HAAO: variants seen among roughly 807,000 people sequenced by gnomAD.
The protein encoded by HAAO is 3-hydroxyanthranilate oxygenase.
In HAAO, 49 loss-of-function variants were observed where a neutral mutation model predicts 46.2. That is an observed-to-expected ratio of 1.06 (90% CI 0.84 to 1.34). The LOEUF is 1.34. HAAO is among the 40% of genes most tolerant of loss of function. HAAO has a pLI of 0.00. For missense variants in HAAO, 408 were observed against 364.5 expected, an observed-to-expected ratio of 1.12 and a Z score of -0.97; for synonymous variants, 157 against 145.2, an observed-to-expected ratio of 1.08 and a Z score of -0.58.
At chr2:42,768,059 G>C in intron 7 of HAAO, 131 bp from the exon 8 acceptor site, 5 of 739,720 alleles carry the variant, frequency 6.8e-6, no homozygotes, top group Non-Finnish European at 1.1e-5. Context: ...ATCACCATGT[G>C]CTGAGCAGAG....
intron 5 of HAAO, 39 bp from the exon 6 acceptor site, chr2:42,770,225 C>T (rs1270834784): frequency 6.4e-7 from 1 of 1,566,974 alleles, no homozygotes; most frequent in Non-Finnish European, 8.7e-7. Context: ...GTGGCGAGCA[C>T]TCCCATCGGA....
At chr2:42,779,765 T>G (rs1357348796) in intron 4 of HAAO, among the ~76,000 whole-genome samples, 1 of 152,248 alleles carries the variant, frequency 6.6e-6, no homozygotes, top group Non-Finnish European at 1.5e-5. Context: ...TTTAAACCTT[T>G]GATATTTGAC....
rs1672200672 is a variant in HAAO at position 42,783,884 on chromosome 2, A to T, written c.160-17T>A. The stretch of plus-strand genomic sequence containing the variant: ...GTAAAATACCTGTGGGACAGGAGAG[A>T]GGCTTGGACCCTCCGCACTTTCTCT... On this transcript the variant is annotated splice_polypyrimidine_tract_variant and intron_variant, in intron 2 of 9. Transcript: ENST00000294973. The T allele has an allele frequency of 6.2e-7, 1 of 1,601,388 alleles. No individual in the cohort carries two copies. The highest frequency in any genetic ancestry group is 1.3e-5 in the African/African-American group (1 of 74,620).
chr2:42,781,605 G>T (rs1672004313), intron 4 of HAAO, among the ~76,000 whole-genome samples: 1 of 152,230 alleles, frequency 6.6e-6, no homozygotes, highest in Non-Finnish European at 1.5e-5. Context: ...AGGTGTGGTG[G>T]CTCATGCCTG....
chr2:42,786,991 C>T (rs1013907239), intron 2 of HAAO, among the ~76,000 whole-genome samples: 8 of 152,236 alleles, frequency 5.3e-5, no homozygotes, highest in African/African-American at 9.6e-5. Context: ...GAGAGGAGGC[C>T]GACCCTCAGC....
At chr2:42,775,228 C>T (rs563833274) in intron 4 of HAAO, among the ~76,000 whole-genome samples, 1 of 116,478 alleles carries the variant, frequency 8.6e-6, no homozygotes, top group African/African-American at 3.5e-5. Context: ...GCCTGGGTGA[C>T]AGAGTAAGAC....
chr2:42,776,231 C>CTTTT lies in HAAO; in HGVS notation c.351-5653_351-5650dup, dbSNP rs57398023. Among the ~76,000 whole-genome samples the CTTTT allele has an allele frequency of 5.2e-3, 371 of 71,202 alleles. 7 individuals are homozygous for CTTTT. Among genetic ancestry groups the CTTTT allele is most frequent in the African/African-American group, 0.015 (249 of 16,322 alleles). The allele number at this position is 71,202 out of a possible 152,430, so 46.7% of individuals were successfully genotyped here. A position where few individuals can be genotyped will look rare whatever the true frequency, so the allele number is the denominator to read the frequency against. ...ATTTTATGTTTGACTTGGCATCCAT[C>CTTTT]TTTTTTTTTTTTTTTTTTTTTTTTT... On this transcript the variant is annotated intron_variant, in intron 4 of 9. Coordinates refer to ENST00000294973, the MANE Select transcript of HAAO (RefSeq NM_012205.3).
At position 42,783,358 on chromosome 2, in the gene HAAO, C is replaced by A. The variant is rs1672152050; in HGVS notation, c.306G>T (p.Leu102=). 3.7e-6 allele frequency: 6 copies of A among 1,613,498 alleles called. No homozygotes were observed. The highest frequency in any genetic ancestry group is 4.2e-6 in the Non-Finnish European group (5 of 1,179,716). Residue 102 remains leucine, a synonymous_variant, in exon 4 of 10, where the codon CTG becomes CTT. Coordinates refer to ENST00000294973, the MANE Select transcript of HAAO (RefSeq NM_012205.3). ...TCTCCAGCCGCCTTCGCTCAACCAC[C>A]AGCCCCACGGTGTTGGCAAACCTCT... ...SPQRFANTVG[L]VVERRRLETE... is the part of the protein sequence containing the mutation.
At position 42,767,507 on chromosome 2, in the gene HAAO, C is replaced by T. The variant is rs146242229; in HGVS notation, c.791G>A (p.Trp264Ter). Residue 264 changes from tryptophan (W) to a stop codon, truncating the protein, a stop_gained, in exon 10 of 10, where the codon TGG becomes TAG. Coordinates refer to ENST00000294973, the MANE Select transcript of HAAO (RefSeq NM_012205.3). LOFTEE classifies it high-confidence loss of function. The stretch of plus-strand genomic sequence containing the variant: ...GGCCACAGAGCCTTGTGTTCGCTCC[C>T]AGGCATACCTGTGGACACACAGATG... ...LLVLAGTSYA[W>*]ERTQGSVALS... The T allele has an allele frequency of 1.9e-6, 3 of 1,611,884 alleles. No individual in the cohort carries two copies. Among genetic ancestry groups the T allele is most frequent in the Non-Finnish European group, 2.5e-6 (3 of 1,178,946 alleles).
intron 7 of HAAO, among the ~76,000 whole-genome samples, chr2:42,768,380 G>A (rs900869173): frequency 3.9e-5 from 6 of 152,204 alleles, no homozygotes; most frequent in African/African-American, 1.4e-4. Flanking sequence ...CTACTGTGCA[G>A]GGCCGTGCTG....
Position 42,767,578 on chromosome 2 carries a change from C to T in HAAO, c.782+17G>A, listed in dbSNP as rs991086905. 2 of 1,581,362 alleles carry T rather than the reference C, an allele frequency of 1.3e-6. No individual in the cohort carries two copies. Among genetic ancestry groups the T allele is most frequent in the East Asian group, 2.3e-5 (1 of 43,460 alleles). ...GGACCCTGAGGATCCCAGGGAAAGC[C>T]CTCCCTGCGTACTCACGAGGTCCCA... On this transcript the variant is annotated intron_variant, in intron 9 of 9. Transcript: ENST00000294973.
In HAAO at chr2:42,767,588, T is replaced by G; in HGVS notation, c.782+7A>C. On this transcript the variant is annotated splice_region_variant and intron_variant, in intron 9 of 9. Transcript: ENST00000294973. Reference sequence around the variant, plus strand: ...GATCCCAGGGAAAGCCCTCCCTGCGTACTCACGAGGTCCCAGCTAGCACCA... The same window carrying G: ...GATCCCAGGGAAAGCCCTCCCTGCGGACTCACGAGGTCCCAGCTAGCACCA... 1 of 1,578,442 alleles carries G rather than the reference T, an allele frequency of 6.3e-7. No homozygotes were observed.
At chr2:42,785,884 A>G (rs144516345) in intron 2 of HAAO, among the ~76,000 whole-genome samples, 323 of 152,178 alleles carry the variant, frequency 2.1e-3, no homozygotes, top group African/African-American at 7.4e-3. Flanking sequence ...AACAAACACA[A>G]ACATGAACAA....
At chr2:42,767,771 G>C (rs1234977784) in intron 8 of HAAO, 89 bp downstream of exon 8, 7 of 1,538,160 alleles carry the variant, frequency 4.6e-6, no homozygotes, top group Non-Finnish European at 5.4e-6. Flanking sequence ...GGCCCCAAGA[G>C]TGGGCCCCGT....
intron 5 of HAAO, 59 bp from the exon 6 acceptor site, chr2:42,770,245 G>T: frequency 2.1e-6 from 3 of 1,406,758 alleles, no homozygotes; most frequent in South Asian, 1.2e-5. Flanking sequence ...AGTGGCCAGC[G>T]ACACACACAT....
At chr2:42,788,652 G>A (rs1672566666) in intron 1 of HAAO, 45 bp from the exon 2 acceptor site, 2 of 1,188,568 alleles carry the variant, frequency 1.7e-6, no homozygotes, top group Non-Finnish European at 2.5e-6. Flanking sequence ...CATCTCCTAG[G>A]AGTGAAGAGA....
intron 3 of HAAO, 116 bp from the exon 4 acceptor site, chr2:42,783,536 G>A: frequency 1.4e-6 from 1 of 714,014 alleles, no homozygotes; most frequent in Non-Finnish European, 2.4e-6. Context: ...GGTACTGCTT[G>A]TCTACCCTGG....
At position 42,770,592 on chromosome 2, in the gene HAAO, C is replaced by T. The variant is rs1671039146; in HGVS notation, c.351-10G>A. The T allele has an allele frequency of 1.3e-6, 2 of 1,541,040 alleles. No homozygotes were observed. The highest frequency in any genetic ancestry group is 1.4e-5 in the African/African-American group (1 of 72,988). Reference sequence around the variant, plus strand: ...GTCGCCCACATAGTACCTGCCAGAGCAGAGGACAGGCAACCCTGCTGTCCC... The same window carrying T: ...GTCGCCCACATAGTACCTGCCAGAGTAGAGGACAGGCAACCCTGCTGTCCC... On this transcript the variant is annotated splice_polypyrimidine_tract_variant and intron_variant, in intron 4 of 9. Transcript: ENST00000294973.
Position 42,769,570 on chromosome 2 carries a change from TGTG to T in HAAO, c.630+140_630+142del, listed in dbSNP as rs1489187563. ...ATGCTCATGTCTACAACCTCTGAAATGTGTGTGTGTGTGTGTGTGTGTGTGTGT... is the reference window on the plus strand; with the variant it reads ...ATGCTCATGTCTACAACCTCTGAAATTGTGTGTGTGTGTGTGTGTGTGTGT... On this transcript the variant is annotated intron_variant, in intron 7 of 9. Coordinates refer to ENST00000294973, the MANE Select transcript of HAAO (RefSeq NM_012205.3). 14 of 15,454 alleles carry T rather than the reference TGTG, an allele frequency of 9.1e-4. No individual in the cohort carries two copies. The East Asian group carries it at 0.02, about 22-fold the overall frequency. The allele number at this position is 15,454 out of a possible 1,614,324, so 1.0% of individuals were successfully genotyped here.
Sources: gnomAD v4.1 joint callset for allele counts (sites outside exome capture counted in the v4.1 genomes callset) on GRCh38, gnomAD v4.1.1 for gene constraint, MANE v1.5 for transcripts, NCBI Gene and HGNC (gene_info 2026-07-23, HGNC 2026-07-21) for gene names.